The following AK5 variants were observed in gnomAD, a reference collection of about 807,000 sequenced individuals.
AK5 encodes adenylate kinase isoenzyme 5.
A neutral mutation model predicts 69.5 loss-of-function variants in AK5; 27 were observed. The ratio of observed to expected loss-of-function variants is 0.39; its 90% confidence interval spans 0.29 to 0.54. AK5 has a LOEUF of 0.54. AK5 is among the 20% of genes least tolerant of loss of function. The probability of loss-of-function intolerance (pLI) is 0.71; values close to 1 mark genes in which losing one functional copy is unlikely to be tolerated. For synonymous variants in AK5, 260 were observed against 244.4 expected (o/e 1.06, Z -0.60); for missense variants, 531 against 700.4 (o/e 0.76, Z 2.73).
chr1:77,388,673 C>G (rs988040998), intron 6 of AK5, among the ~76,000 whole-genome samples: 13 of 151,214 alleles, frequency 8.6e-5, no homozygotes, highest in Non-Finnish European at 1.5e-4. Context: ...AAAATGTTAT[C>G]AGCTACATAA....
intron 10 of AK5, among the ~76,000 whole-genome samples, chr1:77,488,560 T>A (rs1655747837): frequency 2.0e-5 from 3 of 152,168 alleles, no homozygotes; most frequent in Admixed American, 2.0e-4. Context: ...CATATAGGAA[T>A]TTATTAAGTA....
chr1:77,469,993 A>G (rs1481571383), intron 8 of AK5, among the ~76,000 whole-genome samples: 1 of 152,258 alleles, frequency 6.6e-6, no homozygotes, highest in Non-Finnish European at 1.5e-5. Flanking sequence ...AGTTTGGTAC[A>G]ATGGTGCAGG....
At position 77,377,276 on chromosome 1, in the gene AK5, T is replaced by C. The variant is rs559180872; in HGVS notation, c.892-33705T>C. ...AGTTTATCCAAGACTGAATTTATAG[T>C]TTCTTCCCATCCCCAAACATGCTTC... On this transcript the variant is annotated intron_variant, in intron 6 of 13. Transcript: ENST00000354567. Among the ~76,000 whole-genome samples, 11 of 152,282 alleles carry C rather than the reference T, an allele frequency of 7.2e-5. No individual in the cohort carries two copies. The South Asian group carries it at 2.3e-3, about 32-fold the overall frequency.
At chr1:77,495,338 C>T (rs899231823) in intron 10 of AK5, among the ~76,000 whole-genome samples, 4 of 152,158 alleles carry the variant, frequency 2.6e-5, no homozygotes, top group Non-Finnish European at 5.9e-5. Context: ...GGGTGAGAGA[C>T]GTTTGCCATA....
chr1:77,358,817 G>A (rs368784103), intron 6 of AK5, among the ~76,000 whole-genome samples: 14 of 147,668 alleles, frequency 9.5e-5, no homozygotes, highest in Non-Finnish European at 6.0e-5. Flanking sequence ...CCTATCCCCT[G>A]AAAAAAAAAA....
intron 12 of AK5, among the ~76,000 whole-genome samples, chr1:77,535,307 T>C (rs931116629): frequency 6.6e-6 from 1 of 152,188 alleles, no homozygotes; most frequent in Non-Finnish European, 1.5e-5. Flanking sequence ...AGATAACGAA[T>C]TGATGAAGCC....
At position 77,411,068 on chromosome 1, in the gene AK5, G is replaced by T; in HGVS notation, c.979G>T (p.Ala327Ser). The change falls in exon 7 of 14, where the codon GCA (alanine) becomes TCA (serine). Residue 327 changes from alanine (A) to serine (S), a missense_variant. Transcript: ENST00000354567. ...GTTATTTCCAAACAAAGAGGCTGCA[G>T]CAGGTAAGTCACTGTGTCCTTTAGA... ...NKLFPNKEAAAGSSDLDPSMI... is the reference protein window; with the variant it reads ...NKLFPNKEAASGSSDLDPSMI... 3 of 1,612,958 alleles carry T rather than the reference G, an allele frequency of 1.9e-6. No homozygotes were observed. Among genetic ancestry groups the T allele is most frequent in the Non-Finnish European group, 1.7e-6 (2 of 1,179,544 alleles).
intron 10 of AK5, among the ~76,000 whole-genome samples, chr1:77,510,042 A>C (rs1002651434): frequency 7.2e-5 from 11 of 152,200 alleles, no homozygotes; most frequent in African/African-American, 2.7e-4. Context: ...AAGTCATCTA[A>C]CCAGATGGAG....
At chr1:77,335,865 A>G (rs996617677) in intron 5 of AK5, among the ~76,000 whole-genome samples, 3 of 152,168 alleles carry the variant, frequency 2.0e-5, no homozygotes, top group South Asian at 4.1e-4. Flanking sequence ...TAAGAAGTGC[A>G]AGATCAAGGC....
chr1:77,463,083 C>T (rs2100680099), intron 8 of AK5, among the ~76,000 whole-genome samples: 1 of 152,210 alleles, frequency 6.6e-6, no homozygotes, highest in South Asian at 2.1e-4. Flanking sequence ...GATTAATGAA[C>T]CATTACAAAT....
At chr1:77,489,054 A>G (rs1373776441) in intron 10 of AK5, among the ~76,000 whole-genome samples, 1 of 152,216 alleles carries the variant, frequency 6.6e-6, no homozygotes, top group Non-Finnish European at 1.5e-5. Context: ...AGATTTATCC[A>G]TTGTTTAACA....
chr1:77,325,705 C>T (rs574913419), intron 5 of AK5, among the ~76,000 whole-genome samples: 12 of 151,812 alleles, frequency 7.9e-5, no homozygotes, highest in Non-Finnish European at 1.3e-4. Flanking sequence ...TCTGCTTCTA[C>T]AATGGATTGG....
At chr1:77,427,786 G>A (rs555580839) in intron 8 of AK5, among the ~76,000 whole-genome samples, 1 of 152,202 alleles carries the variant, frequency 6.6e-6, no homozygotes, top group East Asian at 1.9e-4. Flanking sequence ...CTGCTTTTCT[G>A]CTAAGAAAAG....
rs1429644296 is a variant in AK5 at position 77,367,670 on chromosome 1, TATAA to T, written c.891+27103_891+27106del. ...TTATATATGTTATATATATGTTATATATAATATATATGTTATATATACGTTATAT... is the reference window on the plus strand; with the variant it reads ...TTATATATGTTATATATATGTTATATTATATATGTTATATATACGTTATAT... On this transcript the variant is annotated intron_variant, in intron 6 of 13. Coordinates refer to ENST00000354567, the MANE Select transcript of AK5 (RefSeq NM_174858.3). Among the ~76,000 whole-genome samples the T allele has an allele frequency of 1.3e-4, 10 of 76,618 alleles. No individual in the cohort carries two copies. The South Asian group carries it at 2.0e-3, about 15-fold the overall frequency. The allele number at this position is 76,618 out of a possible 152,430, so 50.3% of individuals were successfully genotyped here. A position where few individuals can be genotyped will look rare whatever the true frequency, so the allele number is the denominator to read the frequency against.
intron 8 of AK5, among the ~76,000 whole-genome samples, chr1:77,425,499 A>T (rs1488008262): frequency 6.6e-6 from 1 of 152,188 alleles, no homozygotes; most frequent in Admixed American, 6.5e-5. Context: ...AGGCAGGAGA[A>T]TTGCTTGAAA....
chr1:77,322,482 G>A lies in AK5; in HGVS notation c.700-17895G>A, dbSNP rs187871143. Among the ~76,000 whole-genome samples the A allele has an allele frequency of 4.1e-3, 627 of 152,212 alleles. 2 individuals are homozygous for A. The highest frequency in any genetic ancestry group is 0.029 in the South Asian group (141 of 4,822). The stretch of plus-strand genomic sequence containing the variant: ...GGAAAGCAAACCTAGGCAAACAGAA[G>A]CATTTTCTCAATCAACTGATGCCAA... On this transcript the variant is annotated intron_variant, in intron 5 of 13. Coordinates refer to ENST00000354567, the MANE Select transcript of AK5 (RefSeq NM_174858.3).
intron 8 of AK5, among the ~76,000 whole-genome samples, chr1:77,422,432 T>C (rs1650876860): frequency 6.6e-6 from 1 of 152,210 alleles, no homozygotes; most frequent in African/African-American, 2.4e-5. Context: ...AATCTGAATA[T>C]GACCCCTACA....
At chr1:77,455,698 TG>T (rs984125465) in intron 8 of AK5, among the ~76,000 whole-genome samples, 5 of 152,184 alleles carry the variant, frequency 3.3e-5, no homozygotes, top group African/African-American at 1.2e-4. Context: ...CAAAAACTAC[TG>T]CTCTGTACCC....
intron 9 of AK5, 76 bp downstream of exon 9, chr1:77,483,435 C>A (rs1304328563): frequency 2.6e-6 from 3 of 1,168,298 alleles, no homozygotes; most frequent in African/African-American, 3.1e-5. Context: ...TAAACATCAA[C>A]TTGAGAGAAA....
Sources: allele counts gnomAD v4.1 joint callset (sites outside exome capture counted in the v4.1 genomes callset), GRCh38; gene constraint gnomAD v4.1.1; transcripts MANE v1.5; gene names NCBI Gene and HGNC (gene_info 2026-07-23, HGNC 2026-07-21).